Variants in MAP2K1 observed in about 807,000 individuals in gnomAD.
MAP2K1 encodes the protein mitogen-activated protein kinase kinase 1, also known as dual specificity mitogen-activated protein kinase kinase 1.
MAP2K1 carries 16 observed loss-of-function variants against 46.3 expected under a neutral mutation model. The observed-to-expected ratio is 0.35, with a 90% confidence interval of 0.23 to 0.52. The LOEUF (loss-of-function observed/expected upper bound fraction) is 0.52. MAP2K1 is among the 20% of genes least tolerant of loss of function. The probability of loss-of-function intolerance (pLI) is 0.94; values close to 1 mark genes in which losing one functional copy is unlikely to be tolerated. For missense variants in MAP2K1, 263 were observed against 497.1 expected, an observed-to-expected ratio of 0.53 and a Z score of 4.48; for synonymous variants, 183 against 185.6, an observed-to-expected ratio of 0.99 and a Z score of 0.11.
chr15:66,436,665 A>C lies in MAP2K1; in HGVS notation c.292-81A>C. 3 of 1,388,828 alleles carry C rather than the reference A, an allele frequency of 2.2e-6. No individual in the cohort carries two copies. In the South Asian group the frequency reaches 3.5e-5, roughly 16 times the overall value. 86.0% of individuals were successfully genotyped at this position (1,388,828 alleles called of 1,614,324 possible). On this transcript the variant is annotated intron_variant, in intron 2 of 10. Coordinates refer to ENST00000307102, the MANE Select transcript of MAP2K1 (RefSeq NM_002755.4). Reference sequence around the variant, plus strand: ...CTCCTCCCTCTACCTTAAAGAGCTTAAACATTTAACAAGACTATATCTTTC... The same window carrying C: ...CTCCTCCCTCTACCTTAAAGAGCTTCAACATTTAACAAGACTATATCTTTC...
At chr15:66,475,991 A>G (rs1892746917) in intron 5 of MAP2K1, among the ~76,000 whole-genome samples, 2 of 152,252 alleles carry the variant, frequency 1.3e-5, no homozygotes, top group Admixed American at 6.5e-5. Context: ...TCTTGAGGGA[A>G]AAATCAGGAG....
intron 1 of MAP2K1, among the ~76,000 whole-genome samples, chr15:66,414,329 A>T (rs2093419469): frequency 8.4e-6 from 1 of 118,510 alleles, no homozygotes; most frequent in African/African-American, 2.8e-5. Flanking sequence ...GGTTTTCACT[A>T]TCCTCTCAGG....
intron 5 of MAP2K1, among the ~76,000 whole-genome samples, chr15:66,473,610 C>A (rs912382206): frequency 3.3e-5 from 5 of 152,174 alleles, no homozygotes; most frequent in African/African-American, 1.2e-4. Flanking sequence ...TACCTCTCTT[C>A]TCTCTGTACC....
chr15:66,420,719 A>ATGTG (rs1555414704), intron 1 of MAP2K1, among the ~76,000 whole-genome samples: 1 of 32,744 alleles, frequency 3.1e-5, no homozygotes, highest in African/African-American at 1.2e-4. Context: ...ATATATATAT[A>ATGTG]TATGTGTGTG....
At chr15:66,430,828 G>C (rs1190048223) in intron 1 of MAP2K1, among the ~76,000 whole-genome samples, 1 of 152,222 alleles carries the variant, frequency 6.6e-6, no homozygotes, top group Non-Finnish European at 1.5e-5. Context: ...GGAAGGACAT[G>C]TTCTTGCCCA....
At chr15:66,430,712 C>G (rs1482653640) in intron 1 of MAP2K1, among the ~76,000 whole-genome samples, 1 of 152,110 alleles carries the variant, frequency 6.6e-6, no homozygotes, top group Non-Finnish European at 1.5e-5. Context: ...CAAGGTCCCT[C>G]CCTGAGATAC....
At chr15:66,452,932 T>C (rs1390510160) in intron 5 of MAP2K1, among the ~76,000 whole-genome samples, 1 of 152,250 alleles carries the variant, frequency 6.6e-6, no homozygotes, top group African/African-American at 2.4e-5. Context: ...CTAATTGCTG[T>C]GTATATATCT....
chr15:66,436,939 G>T (rs2140584688), intron 3 of MAP2K1, 47 bp downstream of exon 3: 1 of 1,608,888 alleles, frequency 6.2e-7, no homozygotes, highest in African/African-American at 1.3e-5. Flanking sequence ...TTAAGAGTTG[G>T]GTGGCTCTGG....
In MAP2K1 at chr15:66,435,250, T is replaced by C. The variant is rs2093484771; in HGVS notation, c.291+13T>C. ...CATGGCCAGAAAGGTGAGTTTGCCT[T>C]GATTAACAGGTAATTGGATTATTTC... On this transcript the variant is annotated intron_variant, in intron 2 of 10. Coordinates refer to ENST00000307102, the MANE Select transcript of MAP2K1 (RefSeq NM_002755.4). The C allele has an allele frequency of 1.9e-6, 3 of 1,608,680 alleles. No homozygotes were observed. In the East Asian group the frequency reaches 6.7e-5, roughly 36 times the overall value.
chr15:66,471,650 T>G (rs942205778), intron 5 of MAP2K1, among the ~76,000 whole-genome samples: 1 of 63,962 alleles, frequency 1.6e-5, no homozygotes, highest in Non-Finnish European at 3.0e-5. Flanking sequence ...GCTCAAACAA[T>G]AAAGATGATT....
chr15:66,425,523 A>G (rs1302436749), intron 1 of MAP2K1, among the ~76,000 whole-genome samples: 5 of 152,078 alleles, frequency 3.3e-5, no homozygotes, highest in Non-Finnish European at 1.5e-5. Flanking sequence ...TTCCAGACCC[A>G]CTTCTAGGGC....
At chr15:66,443,076 G>GT (rs1176358554) in intron 3 of MAP2K1, among the ~76,000 whole-genome samples, 1 of 126,734 alleles carries the variant, frequency 7.9e-6, no homozygotes, top group Non-Finnish European at 1.6e-5. Context: ...GTTTTTTTGT[G>GT]TGTGTATTTT....
At chr15:66,480,473 AC>A (rs1445053686) in intron 5 of MAP2K1, among the ~76,000 whole-genome samples, 1 of 152,132 alleles carries the variant, frequency 6.6e-6, no homozygotes. Flanking sequence ...ATGGTGACTC[AC>A]GCCTATAGTC....
intron 5 of MAP2K1, among the ~76,000 whole-genome samples, chr15:66,478,156 A>G (rs1892802739): frequency 6.6e-6 from 1 of 151,134 alleles, no homozygotes; most frequent in South Asian, 2.1e-4. Flanking sequence ...TCGTTGCTCA[A>G]ATGTCCTCTC....
At chr15:66,401,724 C>T (rs1017736040) in intron 1 of MAP2K1, 3 of 152,102 alleles carry the variant, frequency 2.0e-5, no homozygotes, top group African/African-American at 7.2e-5. Context: ...GGAGTGTGCG[C>T]ATCCAGGAGG....
At chr15:66,426,987 T>C (rs1387954847) in intron 1 of MAP2K1, among the ~76,000 whole-genome samples, 2 of 152,224 alleles carry the variant, frequency 1.3e-5, no homozygotes, top group African/African-American at 2.4e-5. Flanking sequence ...ATAAACCCCA[T>C]TGACGATGAT....
In MAP2K1 at chr15:66,443,082, A is replaced by ATTTTTTT. The variant is rs398027713; in HGVS notation, c.439-181_439-175dup. Among the ~76,000 whole-genome samples the ATTTTTTT allele has an allele frequency of 8.8e-5, 8 of 91,060 alleles. 1 individual carries two copies. Among genetic ancestry groups the ATTTTTTT allele is most frequent in the Admixed American group, 6.3e-4 (4 of 6,310 alleles). The allele number at this position is 91,060 out of a possible 152,430, so 59.7% of individuals were successfully genotyped here. A position where few individuals can be genotyped will look rare whatever the true frequency, so the allele number is the denominator to read the frequency against. On this transcript the variant is annotated intron_variant, in intron 3 of 10. Coordinates refer to ENST00000307102, the MANE Select transcript of MAP2K1 (RefSeq NM_002755.4). ...CCTTCTGGGGTTTTTTTGTGTGTGT[A>ATTTTTTT]TTTTTTTTTTTTTTTTTTTTTTTGA...
intron 3 of MAP2K1, among the ~76,000 whole-genome samples, chr15:66,438,707 A>C (rs17200970): frequency 0.18 from 27,349 of 152,114 alleles, 3,138 homozygotes; most frequent in Middle Eastern, 0.29. Flanking sequence ...TTCCTGCACA[A>C]GTCTCTGGAG....
At chr15:66,430,684 A>C (rs1336126650) in intron 1 of MAP2K1, among the ~76,000 whole-genome samples, 2 of 152,130 alleles carry the variant, frequency 1.3e-5, no homozygotes, top group African/African-American at 4.8e-5. Flanking sequence ...TAAAATGAGA[A>C]TTGGATAAGT....
Sources: gnomAD v4.1 joint callset for allele counts (sites outside exome capture counted in the v4.1 genomes callset) on GRCh38, gnomAD v4.1.1 for gene constraint, MANE v1.5 for transcripts, NCBI Gene and HGNC (gene_info 2026-07-23, HGNC 2026-07-21) for gene names.